The following BCL11A variants were observed in gnomAD, a reference collection of about 807,000 sequenced individuals.
BCL11A encodes the protein BCL11 transcription factor A.
A neutral mutation model predicts 55.9 loss-of-function variants in BCL11A; 2 were observed. That is an observed-to-expected ratio of 0.04 (90% CI 0.01 to 0.11). The LOEUF (loss-of-function observed/expected upper bound fraction) is 0.11. Among genes scored for constraint, BCL11A ranks in the 10% least tolerant of loss-of-function variants. BCL11A has a pLI of 1.00. For synonymous variants in BCL11A, 465 were observed against 473.4 expected (o/e 0.98, Z 0.23); for missense variants, 817 against 1,137.1 (o/e 0.72, Z 4.05).
intron 3 of BCL11A, among the ~76,000 whole-genome samples, chr2:60,464,301 A>G (rs1225122564): frequency 6.6e-6 from 1 of 152,200 alleles, no homozygotes; most frequent in Non-Finnish European, 1.5e-5. Context: ...TTATCTGCCT[A>G]TTTTTGTTTG....
At chr2:60,521,103 A>ACACT (rs796302463) in intron 2 of BCL11A, among the ~76,000 whole-genome samples, 14 of 33,130 alleles carry the variant, frequency 4.2e-4, no homozygotes, top group African/African-American at 8.6e-4. Flanking sequence ...ACACACACTC[A>ACACT]CACACACACA....
chr2:60,532,032 C>T (rs1295403091), intron 2 of BCL11A, among the ~76,000 whole-genome samples: 1 of 152,170 alleles, frequency 6.6e-6, no homozygotes, highest in African/African-American at 2.4e-5. Flanking sequence ...AACCTGTCTC[C>T]ACAACACTCA....
exon 5 of BCL11A, chr2:60,451,604 T>G (rs893103785): frequency 3.0e-5 from 7 of 231,458 alleles, no homozygotes; most frequent in African/African-American, 1.5e-4. Context: ...ATGTAAGTAC[T>G]AAAGAAGTTT....
intron 1 of BCL11A, among the ~76,000 whole-genome samples, chr2:60,549,106 A>C (rs981404883): frequency 6.6e-6 from 1 of 152,206 alleles, no homozygotes; most frequent in Non-Finnish European, 1.5e-5. Context: ...AAATAATCAT[A>C]ATAATTAGCC....
chr2:60,468,982 A>G, intron 2 of BCL11A, 149 bp from the exon 3 acceptor site: 1 of 574,678 alleles, frequency 1.7e-6, no homozygotes, highest in South Asian at 2.0e-5. Context: ...CCTGAAACAA[A>G]AGAAGAGTGG....
chr2:60,546,445 T>A lies in BCL11A; in HGVS notation c.56-145A>T, dbSNP rs540413504. The A allele has an allele frequency of 3.4e-4, 234 of 696,166 alleles. 1 individual carries two copies. The highest frequency in any genetic ancestry group is 1.3e-3 in the African/African-American group (70 of 55,556). The allele number at this position is 696,166 out of a possible 1,614,324, so 43.1% of individuals were successfully genotyped here. On this transcript the variant is annotated intron_variant, in intron 1 of 3. Transcript: ENST00000642384. This position sits in a 1 kb window ranked among gnomAD's most constrained non-coding sequence, Gnocchi z 4.1. Reference sequence around the variant, plus strand: ...ATATAATACCCAGAAAATGTGAGCATACAAAAAGTACAAGGATGTGAAGGT... The same window carrying A: ...ATATAATACCCAGAAAATGTGAGCAAACAAAAAGTACAAGGATGTGAAGGT...
chr2:60,533,033 T>C (rs1669527959), intron 2 of BCL11A: 1 of 152,222 alleles, frequency 6.6e-6, no homozygotes. Flanking sequence ...TGCCAATCTA[T>C]TAGAATGAAA....
intron 1 of BCL11A, among the ~76,000 whole-genome samples, chr2:60,551,787 C>A (rs1192506110): frequency 6.6e-6 from 1 of 150,486 alleles, no homozygotes; most frequent in Non-Finnish European, 1.5e-5. Context: ...CGCCGGGCGC[C>A]GGGTGGGCGA....
chr2:60,517,943 T>TCCCAATGTACACATGA (rs1573044840), intron 2 of BCL11A, among the ~76,000 whole-genome samples: 4 of 151,954 alleles, frequency 2.6e-5, no homozygotes, highest in African/African-American at 9.7e-5. Flanking sequence ...AACAAGAACC[T>TCCCAATGTACACATGA]TACTCTAAAA....
chr2:60,550,326 T>G (rs2104780540), intron 1 of BCL11A, among the ~76,000 whole-genome samples: 1 of 152,258 alleles, frequency 6.6e-6, no homozygotes, highest in South Asian at 2.1e-4. Flanking sequence ...GAAGCATTTT[T>G]AAAGTCAAAA....
intron 2 of BCL11A, among the ~76,000 whole-genome samples, chr2:60,503,811 G>A (rs954073815): frequency 6.6e-6 from 1 of 152,098 alleles, no homozygotes; most frequent in African/African-American, 2.4e-5. Flanking sequence ...CAATATTCTG[G>A]ATCTTTTGTC....
chr2:60,457,066 A>G (rs1181576272), downstream of BCL11A: 2 of 170,388 alleles, frequency 1.2e-5, no homozygotes, highest in African/African-American at 4.8e-5. Flanking sequence ...TTTAGGGTAT[A>G]ATACACGCAT....
chr2:60,512,284 G>A (rs767808781), intron 2 of BCL11A, among the ~76,000 whole-genome samples: 42 of 152,218 alleles, frequency 2.8e-4, no homozygotes, highest in African/African-American at 2.7e-4. Context: ...CGCTGATGTG[G>A]AACTCAGAAT....
rs1389109142 is a variant in BCL11A, at chr2:60,458,809, T to A, written c.*1595A>T. The A allele has an allele frequency of 1.9e-6, 2 of 1,030,746 alleles. No individual in the cohort carries two copies. The highest frequency in any genetic ancestry group is 3.4e-5 in the African/African-American group (2 of 59,106). 63.9% of individuals were successfully genotyped at this position (1,030,746 alleles called of 1,614,324 possible). A position where few individuals can be genotyped will look rare whatever the true frequency, so the allele number is the denominator to read the frequency against. ...AAAGATACAGATATCACAGGCAGAG[T>A]CAAGTGCTATTTGAACACCAACTGG... is the stretch of plus-strand genomic sequence containing the variant. On this transcript the variant is annotated 3_prime_UTR_variant, in exon 4 of 4. Coordinates refer to ENST00000642384, the MANE Select transcript of BCL11A (RefSeq NM_022893.4).
intron 2 of BCL11A, chr2:60,536,061 T>C (rs1207627934): frequency 6.6e-6 from 1 of 152,094 alleles, no homozygotes; most frequent in African/African-American, 2.4e-5. Context: ...CAAGAAAGTA[T>C]ATGTTAAGTC....
intron 2 of BCL11A, among the ~76,000 whole-genome samples, chr2:60,523,107 T>C (rs1403141804): frequency 6.6e-6 from 1 of 152,248 alleles, no homozygotes; most frequent in East Asian, 1.9e-4. Context: ...AAGAAGTAAC[T>C]GTGTACAGAT....
At position 60,470,743 on chromosome 2, in the gene BCL11A, G is replaced by A. The variant is rs190640320; in HGVS notation, c.386-1910C>T. 5.0e-3 allele frequency among the ~76,000 whole-genome samples: 766 copies of A among 152,312 alleles called. 5 individuals carry two copies. The highest frequency in any genetic ancestry group is 0.017 in the African/African-American group (724 of 41,564). ...GACGGCAGGACCAGATCTCTACAGT[G>A]TCTGGCCGTGTGGCAAAGTGAGGTC... is the stretch of plus-strand genomic sequence containing the variant. On this transcript the variant is annotated intron_variant, in intron 2 of 3. Coordinates refer to ENST00000642384, the MANE Select transcript of BCL11A (RefSeq NM_022893.4).
At chr2:60,532,845 G>C (rs1467746591) in intron 2 of BCL11A, 1 of 152,134 alleles carries the variant, frequency 6.6e-6, no homozygotes, top group African/African-American at 2.4e-5. Context: ...ATTTTCAAAA[G>C]ACTTATGCAA....
At position 60,458,183 on chromosome 2, in the gene BCL11A, A is replaced by G; in HGVS notation, c.*2221T>C. 9.7e-7 allele frequency: 1 copy of G among 1,025,656 alleles called. No homozygotes were observed. The highest frequency in any genetic ancestry group is 1.2e-6 in the Non-Finnish European group (1 of 853,204). 63.5% of individuals were successfully genotyped at this position (1,025,656 alleles called of 1,614,324 possible). On this transcript the variant is annotated 3_prime_UTR_variant, in exon 4 of 4. Transcript: ENST00000642384. Reference sequence around the variant, plus strand: ...ACCATTCTAGAAATACAGAAAAAAGACCATAAATGTATTTTAGCATAGGAA... The same window carrying G: ...ACCATTCTAGAAATACAGAAAAAAGGCCATAAATGTATTTTAGCATAGGAA...
Sources: allele counts gnomAD v4.1 joint callset (sites outside exome capture counted in the v4.1 genomes callset), GRCh38; gene constraint gnomAD v4.1.1; non-coding constraint Gnocchi (gnomAD v3.1); transcripts MANE v1.5; gene names NCBI Gene and HGNC (gene_info 2026-07-23, HGNC 2026-07-21).